NBAS: variants seen among roughly 807,000 people sequenced by gnomAD.
The protein encoded by NBAS is NBAS subunit of NRZ tethering complex, also known as NAG/BC035112 fusion.
A neutral mutation model predicts 302.5 loss-of-function variants in NBAS; 219 were observed. That is an observed-to-expected ratio of 0.72 (90% confidence interval 0.65 to 0.81). NBAS has a LOEUF of 0.81. NBAS is among the 30% of genes least tolerant of loss of function. The pLI, the probability that NBAS is intolerant of heterozygous loss-of-function variation, is 0.00. For missense variants in NBAS, 2,932 were observed against 2,841.6 expected, an observed-to-expected ratio of 1.03 and a Z score of -0.72; for synonymous variants, 1,118 against 1,021.6, an observed-to-expected ratio of 1.09 and a Z score of -1.80.
chr2:14,880,621 A>G, the NBAS span, among the ~76,000 whole-genome samples: 32 of 152,176 alleles, frequency 2.1e-4, no homozygotes, highest in Non-Finnish European at 4.3e-4. Context: ...CATTGAAAAG[A>G]GTAATCAGTC....
intron 21 of NBAS, among the ~76,000 whole-genome samples, chr2:15,428,997 C>A (rs1677622213): frequency 6.7e-6 from 1 of 149,208 alleles, no homozygotes; most frequent in African/African-American, 2.5e-5. Flanking sequence ...CAGATCGTGC[C>A]ACTGTACTTC....
At chr2:15,543,731 T>A (rs1663967074) in intron 6 of NBAS, among the ~76,000 whole-genome samples, 1 of 152,220 alleles carries the variant, frequency 6.6e-6, no homozygotes, top group African/African-American at 2.4e-5. Flanking sequence ...CTGCCACCCA[T>A]GATTCAATCA....
the NBAS span, among the ~76,000 whole-genome samples, chr2:15,155,821 C>T: frequency 6.6e-6 from 1 of 152,176 alleles, no homozygotes; most frequent in East Asian, 1.9e-4. Context: ...GTTCCCTTTC[C>T]ACTGTGTAAG....
chr2:15,549,016 C>G (rs933198674), intron 6 of NBAS, among the ~76,000 whole-genome samples: 5 of 152,114 alleles, frequency 3.3e-5, no homozygotes, highest in African/African-American at 1.2e-4. Flanking sequence ...TAGCAAACAA[C>G]TGACAGATTT....
At chr2:15,326,407 C>T (rs533237479) in intron 38 of NBAS, among the ~76,000 whole-genome samples, 10 of 152,328 alleles carry the variant, frequency 6.6e-5, no homozygotes, top group African/African-American at 2.4e-4. Context: ...TTGGTTATTA[C>T]TTCAGTCCGT....
intron 21 of NBAS, among the ~76,000 whole-genome samples, chr2:15,453,641 A>T (rs1176658586): frequency 2.0e-5 from 3 of 152,238 alleles, no homozygotes; most frequent in African/African-American, 7.2e-5. Context: ...ATATTTTCAT[A>T]CTTTACTCAA....
intron 9 of NBAS, among the ~76,000 whole-genome samples, chr2:15,530,823 A>C (rs1050151147): frequency 5.3e-5 from 8 of 152,124 alleles, no homozygotes; most frequent in African/African-American, 1.9e-4. Context: ...GTGAAGGGCC[A>C]GCACTGTGGA....
the NBAS span, among the ~76,000 whole-genome samples, chr2:14,977,788 T>G: frequency 6.6e-6 from 1 of 152,178 alleles, no homozygotes; most frequent in Admixed American, 6.5e-5. Flanking sequence ...GATTCCTCTG[T>G]GCCTAATTAA....
chr2:15,432,772 C>G (rs776300471), intron 21 of NBAS, among the ~76,000 whole-genome samples: 4 of 152,130 alleles, frequency 2.6e-5, no homozygotes, highest in Non-Finnish European at 5.9e-5. Flanking sequence ...GTTGACATCA[C>G]TGAACAAGTC....
chr2:14,886,923 C>T, the NBAS span, among the ~76,000 whole-genome samples: 34,276 of 152,016 alleles, frequency 0.23, 5,395 homozygotes, highest in African/African-American at 0.44. Flanking sequence ...TAGAGTTCTA[C>T]AAAATGTAAA....
the NBAS span, among the ~76,000 whole-genome samples, chr2:14,942,110 G>A: frequency 6.6e-6 from 1 of 152,150 alleles, no homozygotes; most frequent in Non-Finnish European, 1.5e-5. Context: ...AGAAAGAAGG[G>A]TGATTTTCCA....
At chr2:14,956,731 T>C in the NBAS span, among the ~76,000 whole-genome samples, 1 of 152,242 alleles carries the variant, frequency 6.6e-6, no homozygotes, top group East Asian at 1.9e-4. Context: ...CTCACTATCA[T>C]GATAACAGGA....
intron 45 of NBAS, among the ~76,000 whole-genome samples, 168 bp from the exon 46 acceptor site, chr2:15,234,915 C>T (rs749236639): frequency 4.6e-5 from 7 of 152,194 alleles, no homozygotes; most frequent in Non-Finnish European, 7.3e-5. Flanking sequence ...TCAAGGATCA[C>T]CCACATTTGA....
intron 16 of NBAS, among the ~76,000 whole-genome samples, chr2:15,472,748 G>C (rs759358354): frequency 6.6e-6 from 1 of 152,226 alleles, no homozygotes; most frequent in East Asian, 1.9e-4. Context: ...CAGCCTAGGG[G>C]AGGGGCCTCC....
intron 35 of NBAS, among the ~76,000 whole-genome samples, chr2:15,337,262 A>C (rs1305292126): frequency 6.6e-6 from 1 of 152,066 alleles, no homozygotes; most frequent in Admixed American, 6.6e-5. Flanking sequence ...TTGAAGCTGC[A>C]GTTAGCTATA....
At chr2:15,264,287 C>A (rs1668976582) in intron 44 of NBAS, among the ~76,000 whole-genome samples, 1 of 152,128 alleles carries the variant, frequency 6.6e-6, no homozygotes, top group Non-Finnish European at 1.5e-5. Flanking sequence ...ATTCCTCTGT[C>A]TTCCCCAAGA....
intron 2 of NBAS, 151 bp from the exon 3 acceptor site, chr2:15,556,970 A>G: frequency 1.5e-6 from 1 of 653,204 alleles, no homozygotes. Context: ...GAGACTAAAT[A>G]TAACCTAATA....
the NBAS span, among the ~76,000 whole-genome samples, chr2:14,881,692 A>G: frequency 6.6e-6 from 1 of 152,126 alleles, no homozygotes; most frequent in East Asian, 1.9e-4. Context: ...TCCAGCTGCC[A>G]CCTGTTTTTG....
At chr2:15,325,827 C>T (rs12473594) in intron 38 of NBAS, among the ~76,000 whole-genome samples, 1 of 152,208 alleles carries the variant, frequency 6.6e-6, no homozygotes. Flanking sequence ...TTCAGTCTTT[C>T]TCAGCTTTCA....
Sources: gnomAD v4.1 joint callset for allele counts (sites outside exome capture counted in the v4.1 genomes callset) on GRCh38, gnomAD v4.1.1 for gene constraint, MANE v1.5 for transcripts, NCBI Gene and HGNC (gene_info 2026-07-23, HGNC 2026-07-21) for gene names.